Variants in NEK10 observed in about 807,000 individuals in gnomAD.
The protein encoded by NEK10 is serine/threonine-protein kinase Nek10.
A neutral mutation model predicts 159.8 loss-of-function variants in NEK10; 122 were observed. The observed-to-expected ratio is 0.76, with a 90% CI of 0.66 to 0.89. The LOEUF (loss-of-function observed/expected upper bound fraction) is 0.89, where lower values mean the gene tolerates loss of function less well. NEK10 is among the 40% of genes least tolerant of loss of function. The probability of loss-of-function intolerance (pLI) is 0.00; values close to 1 mark genes in which losing one functional copy is unlikely to be tolerated. For missense variants in NEK10, 1,342 were observed against 1,323.1 expected (o/e 1.01, Z -0.22); for synonymous variants, 466 against 457.1 (o/e 1.02, Z -0.25).
rs113917720 is a variant in NEK10 at position 27,107,067 on chromosome 3, A to G, written c.*4205T>C. ...GTTCATTTACTTTTAGGATAAAGCA[A>G]TGAACTGTATCTTAAATTTTTTATA... On this transcript the variant is annotated 3_prime_UTR_variant, in exon 36 of 36. Coordinates refer to ENST00000691995, the MANE Select transcript of NEK10 (RefSeq NM_001394966.1). Among the ~76,000 whole-genome samples the G allele has an allele frequency of 1.6e-4, 25 of 152,184 alleles. No individual in the cohort carries two copies. Among genetic ancestry groups the G allele is most frequent in the African/African-American group, 5.5e-4 (23 of 41,442 alleles).
intron 23 of NEK10, among the ~76,000 whole-genome samples, chr3:27,225,561 A>G (rs1042075672): frequency 2.6e-5 from 4 of 152,228 alleles, no homozygotes; most frequent in Admixed American, 1.3e-4. Context: ...AACACTTATT[A>G]AAGGCTGTTA....
chr3:27,171,699 C>A (rs999619512), intron 29 of NEK10, 120 bp downstream of exon 29: 2 of 949,188 alleles, frequency 2.1e-6, no homozygotes, highest in African/African-American at 1.6e-5. Flanking sequence ...GGCAAGTAAG[C>A]TCTAACTCCT....
intron 23 of NEK10, among the ~76,000 whole-genome samples, chr3:27,242,932 A>G (rs1050764642): frequency 1.3e-4 from 20 of 152,226 alleles, no homozygotes; most frequent in African/African-American, 4.8e-4. Flanking sequence ...AGTATTGCCA[A>G]TGTATCAAGG....
chr3:27,230,545 C>T (rs1575364563), intron 23 of NEK10, among the ~76,000 whole-genome samples: 1 of 152,076 alleles, frequency 6.6e-6, no homozygotes, highest in East Asian at 1.9e-4. Flanking sequence ...CGTAAATGGC[C>T]TAGATGCTCC....
rs578215228 is a variant in NEK10, at chr3:27,264,737, C to CA, written c.2015-8367dup. Reference sequence around the variant, plus strand: ...GGATATCCCATCTCTACTAAAAATGCAAAAAAATTATCTGGGTGTGGTGGC... The same window carrying CA: ...GGATATCCCATCTCTACTAAAAATGCAAAAAAAATTATCTGGGTGTGGTGGC... On this transcript the variant is annotated intron_variant, in intron 22 of 35. Transcript: ENST00000691995. 2.5e-3 allele frequency among the ~76,000 whole-genome samples: 381 copies of CA among 151,754 alleles called. 4 individuals are homozygous for CA. Among genetic ancestry groups the CA allele is most frequent in the African/African-American group, 8.7e-3 (362 of 41,412 alleles).
At chr3:27,325,620 TA>T (rs1315078453) in intron 5 of NEK10, among the ~76,000 whole-genome samples, 5 of 152,100 alleles carry the variant, frequency 3.3e-5, no homozygotes, top group Non-Finnish European at 7.4e-5. Context: ...CTAGAGGTGC[TA>T]CTCCCCACCC....
At chr3:27,202,359 T>A (rs1950128217) in intron 24 of NEK10, 69 bp downstream of exon 24, 1 of 1,447,850 alleles carries the variant, frequency 6.9e-7, no homozygotes, top group South Asian at 1.4e-5. Flanking sequence ...ATCACAAAGA[T>A]CTGTTTAATA....
chr3:27,350,540 A>ATT (rs2047892648), intron 3 of NEK10, among the ~76,000 whole-genome samples: 1 of 152,196 alleles, frequency 6.6e-6, no homozygotes, highest in Non-Finnish European at 1.5e-5. Context: ...TGTAAACCTA[A>ATT]GGATCTTCAT....
At chr3:27,255,178 C>A (rs777580646) in intron 23 of NEK10, 2 of 204,866 alleles carry the variant, frequency 9.8e-6, no homozygotes, top group Non-Finnish European at 2.1e-5. Flanking sequence ...GAAAATTATT[C>A]TTCTCTCAGA....
At chr3:27,127,621 C>T (rs1429224301) in intron 32 of NEK10, among the ~76,000 whole-genome samples, 4 of 152,118 alleles carry the variant, frequency 2.6e-5, no homozygotes, top group Admixed American at 2.6e-4. Flanking sequence ...CTATTATAAT[C>T]TTGTGGGACC....
intron 6 of NEK10, among the ~76,000 whole-genome samples, chr3:27,314,983 G>T (rs1342158621): frequency 2.6e-5 from 4 of 152,156 alleles, no homozygotes; most frequent in Non-Finnish European, 5.9e-5. Context: ...TTAGACCCAT[G>T]CTCTAAATAA....
At chr3:27,347,999 C>T (rs966350377) in intron 3 of NEK10, among the ~76,000 whole-genome samples, 5 of 152,102 alleles carry the variant, frequency 3.3e-5, no homozygotes, top group African/African-American at 1.2e-4. Flanking sequence ...GTTCTAATTG[C>T]TTTGTACATA....
intron 26 of NEK10, among the ~76,000 whole-genome samples, chr3:27,180,292 G>C (rs1340727923): frequency 6.6e-6 from 1 of 151,916 alleles, no homozygotes; most frequent in Non-Finnish European, 1.5e-5. Context: ...CTATTGAGGA[G>C]GCGAAGGCAG....
chr3:27,110,546 G>T lies in NEK10; in HGVS notation c.*726C>A, dbSNP rs567733159. ...GTCTAATCAAAACCTCTCTCCTTCC[G>T]CCCTCATATATAAACATATACACAC... On this transcript the variant is annotated 3_prime_UTR_variant, in exon 36 of 36. Coordinates refer to ENST00000691995, the MANE Select transcript of NEK10 (RefSeq NM_001394966.1). 6.6e-6 allele frequency: 1 copy of T among 151,854 alleles called. No individual in the cohort carries two copies. Among genetic ancestry groups the T allele is most frequent in the Admixed American group, 6.6e-5 (1 of 15,222 alleles). The allele number at this position is 151,854 out of a possible 1,614,324, so 9.4% of individuals were successfully genotyped here. A position where few individuals can be genotyped will look rare whatever the true frequency, so the allele number is the denominator to read the frequency against.
At chr3:27,193,482 T>A (rs997915118) in intron 25 of NEK10, among the ~76,000 whole-genome samples, 5 of 151,570 alleles carry the variant, frequency 3.3e-5, no homozygotes, top group African/African-American at 1.2e-4. Context: ...GGCCCTTAAC[T>A]TCCTCCACTC....
At chr3:27,315,670 G>A (rs1481169315) in intron 6 of NEK10, among the ~76,000 whole-genome samples, 22 of 152,124 alleles carry the variant, frequency 1.4e-4, no homozygotes, top group Admixed American at 1.4e-3. Context: ...GTTAGGCTCT[G>A]GAGACACACA....
At chr3:27,249,340 T>C (rs1288721553) in intron 23 of NEK10, among the ~76,000 whole-genome samples, 1 of 152,228 alleles carries the variant, frequency 6.6e-6, no homozygotes, top group African/African-American at 2.4e-5. Flanking sequence ...AATACAATTA[T>C]ATTTTTGTCC....
At chr3:27,321,220 T>C (rs1333200692) in intron 6 of NEK10, among the ~76,000 whole-genome samples, 1 of 152,062 alleles carries the variant, frequency 6.6e-6, no homozygotes, top group Non-Finnish European at 1.5e-5. Context: ...GCTAAAGCAC[T>C]ATGTCTTTGC....
chr3:27,208,005 A>ATG (rs773984609), intron 23 of NEK10, among the ~76,000 whole-genome samples: 1 of 151,972 alleles, frequency 6.6e-6, no homozygotes, highest in East Asian at 1.9e-4. Context: ...GATGAATAAA[A>ATG]TGTGTGTGTG....
Sources: gnomAD v4.1 joint callset for allele counts (sites outside exome capture counted in the v4.1 genomes callset) on GRCh38, gnomAD v4.1.1 for gene constraint, MANE v1.5 for transcripts, NCBI Gene and HGNC (gene_info 2026-07-23, HGNC 2026-07-21) for gene names.